The following ATAD3A variants were observed in gnomAD, a reference collection of about 807,000 sequenced individuals.
ATAD3A encodes ATPase family AAA domain-containing protein 3A.
A neutral mutation model predicts 73.8 loss-of-function variants in ATAD3A; 46 were observed. The ratio of observed to expected loss-of-function variants is 0.62; its 90% CI spans 0.49 to 0.80. ATAD3A has a LOEUF of 0.80. Ranked by LOEUF, ATAD3A falls within the 30% of genes least tolerant of loss-of-function variation. The pLI is 0.00. For synonymous variants in ATAD3A, 319 were observed against 350.0 expected, an observed-to-expected ratio of 0.91 and a Z score of 0.99; for missense variants, 705 against 838.0, an observed-to-expected ratio of 0.84 and a Z score of 1.96.
At chr1:1,513,772 C>G (rs1480986262) in intron 1 of ATAD3A, among the ~76,000 whole-genome samples, 2 of 152,130 alleles carry the variant, frequency 1.3e-5, no homozygotes, top group Admixed American at 6.5e-5. Flanking sequence ...TCCCGACGCT[C>G]CTGGCTTCCT....
At chr1:1,531,450 AAAAAAC>A (rs1212663848) in intron 15 of ATAD3A, among the ~76,000 whole-genome samples, 8 of 147,380 alleles carry the variant, frequency 5.4e-5, no homozygotes, top group African/African-American at 1.8e-4. Flanking sequence ...ACTCCATCCC[AAAAAAC>A]GAAAACGAAA....
At chr1:1,515,471 G>A (rs1422463706) in intron 1 of ATAD3A, among the ~76,000 whole-genome samples, 1 of 152,134 alleles carries the variant, frequency 6.6e-6, no homozygotes, top group Non-Finnish European at 1.5e-5. Flanking sequence ...CAGAGAATAC[G>A]TACTTCTGTC....
intron 1 of ATAD3A, among the ~76,000 whole-genome samples, chr1:1,514,910 G>A (rs115156185): frequency 0.024 from 3,579 of 152,246 alleles, 139 homozygotes; most frequent in African/African-American, 0.081. Flanking sequence ...GTTGCCGTCC[G>A]TCGCCCAGGC....
Position 1,525,598 on chromosome 1 carries a change from C to T in ATAD3A, c.1266+307C>T, listed in dbSNP as rs533654306. Among the ~76,000 whole-genome samples the T allele has an allele frequency of 2.6e-4, 40 of 151,992 alleles. 1 individual carries two copies. The highest frequency in any genetic ancestry group is 5.8e-4 in the East Asian group (3 of 5,166). ...CCTGGCTAATTTTTTGTGTTTTTAG[C>T]AGAGACGGGGTTTCACCGTGTTAGC... On this transcript the variant is annotated intron_variant, in intron 12 of 15. Coordinates refer to ENST00000378756, the MANE Select transcript of ATAD3A (RefSeq NM_001170535.3).
Position 1,534,137 on chromosome 1 carries a change from G to T in ATAD3A, c.*65G>T. 1 of 1,607,512 alleles carries T rather than the reference G, an allele frequency of 6.2e-7. No homozygotes were observed. Among genetic ancestry groups the T allele is most frequent in the Non-Finnish European group, 8.5e-7 (1 of 1,176,770 alleles). On this transcript the variant is annotated 3_prime_UTR_variant, in exon 16 of 16. Transcript: ENST00000378756. ...GACCCCTCCCACCCCTGCCTTGCCG[G>T]CCCCTGCACATTTAGGATATGCTCC...
chr1:1,532,948 G>A (rs1006919683), intron 15 of ATAD3A, among the ~76,000 whole-genome samples: 2 of 152,086 alleles, frequency 1.3e-5, no homozygotes, highest in African/African-American at 2.4e-5. Flanking sequence ...CCGGGCCCCC[G>A]ACCCACAGTG....
At chr1:1,515,960 C>G (rs1321288263) in intron 1 of ATAD3A, 52 bp from the exon 2 acceptor site, 5 of 1,606,320 alleles carry the variant, frequency 3.1e-6, no homozygotes, top group Non-Finnish European at 4.3e-6. Context: ...CGTGCCTGCC[C>G]AGCGGCATCC....
intron 12 of ATAD3A, among the ~76,000 whole-genome samples, chr1:1,525,827 G>A (rs190244284): frequency 1.1e-4 from 16 of 151,982 alleles, no homozygotes; most frequent in African/African-American, 3.4e-4. Flanking sequence ...TGCCTCAGCC[G>A]CCTGAGTAGC....
intron 7 of ATAD3A, among the ~76,000 whole-genome samples, chr1:1,521,298 C>CAAAAAAAAAAA (rs1001385922): frequency 3.9e-5 from 1 of 25,350 alleles, no homozygotes; most frequent in Admixed American, 5.1e-4. Context: ...GGCTTCTTCT[C>CAAAAAAAAAAA]AAAAAAAAAA....
chr1:1,516,861 G>A (rs1419186511), intron 2 of ATAD3A, among the ~76,000 whole-genome samples: 3 of 152,016 alleles, frequency 2.0e-5, no homozygotes, highest in East Asian at 1.9e-4. Context: ...ACAAGAGCCC[G>A]CCACCACATC....
Position 1,517,706 on chromosome 1 carries a change from TCTC to T in ATAD3A, c.385-8_385-6del. Reference sequence around the variant, plus strand: ...CTGAGATGTGTCTTTGCCGCCCTCTTCTCCCCCAGAGGGCCCAGTATCAAGACA... The same window carrying T: ...CTGAGATGTGTCTTTGCCGCCCTCTTCCCCAGAGGGCCCAGTATCAAGACA... On this transcript the variant is annotated splice_polypyrimidine_tract_variant and splice_region_variant and intron_variant, in intron 3 of 15. Transcript: ENST00000378756. 1 of 1,380,740 alleles carries T rather than the reference TCTC, an allele frequency of 7.2e-7. No homozygotes were observed. Among genetic ancestry groups the T allele is most frequent in the African/African-American group, 1.4e-5 (1 of 69,564 alleles). 85.5% of individuals were successfully genotyped at this position (1,380,740 alleles called of 1,614,324 possible). A position where few individuals can be genotyped will look rare whatever the true frequency, so the allele number is the denominator to read the frequency against.
At chr1:1,521,605 C>T (rs1641602936) in intron 7 of ATAD3A, among the ~76,000 whole-genome samples, 2 of 152,222 alleles carry the variant, frequency 1.3e-5, no homozygotes, top group East Asian at 1.9e-4. Flanking sequence ...GTGGCCTGGT[C>T]AGTGTGACGG....
At chr1:1,530,746 A>G (rs1338261444) in intron 15 of ATAD3A, among the ~76,000 whole-genome samples, 3 of 100,888 alleles carry the variant, frequency 3.0e-5, no homozygotes, top group South Asian at 3.8e-4. Context: ...GGAGAATGGC[A>G]TGAACCCGGG....
chr1:1,515,362 C>A (rs907358848), intron 1 of ATAD3A, among the ~76,000 whole-genome samples: 3 of 152,188 alleles, frequency 2.0e-5, no homozygotes, highest in African/African-American at 7.2e-5. Flanking sequence ...CAGTAGTGAG[C>A]CACCGCGCCC....
chr1:1,533,866 G>A (rs1186268846), intron 15 of ATAD3A, 60 bp from the exon 16 acceptor site: 7 of 1,580,622 alleles, frequency 4.4e-6, no homozygotes, highest in East Asian at 2.3e-5. Flanking sequence ...GGGCCCTGGC[G>A]TGCATTTGGG....
rs950696930 is a variant in ATAD3A at position 1,523,649 on chromosome 1, G to A, written c.963+82G>A. 20 of 1,603,306 alleles carry A rather than the reference G, an allele frequency of 1.2e-5. No homozygotes were observed. Among genetic ancestry groups the A allele is most frequent in the African/African-American group, 2.7e-5 (2 of 74,566 alleles). ...CGGGCTGTGGCCCTTGCTGGCGCTC[G>A]TGGTGGCACCCAGGAGCTTTTGGGT... On this transcript the variant is annotated intron_variant, in intron 9 of 15. Transcript: ENST00000378756. The surrounding 1 kb of genome is among the most constrained non-coding windows in gnomAD (Gnocchi z 5.1).
intron 15 of ATAD3A, among the ~76,000 whole-genome samples, chr1:1,532,291 T>C (rs930753669): frequency 7.9e-5 from 12 of 151,042 alleles, no homozygotes; most frequent in South Asian, 2.1e-4. Flanking sequence ...ATGAGGGTAA[T>C]GCTGGCCTCT....
chr1:1,513,951 C>T (rs1375922788), intron 1 of ATAD3A, among the ~76,000 whole-genome samples: 1 of 152,074 alleles, frequency 6.6e-6, no homozygotes, highest in Non-Finnish European at 1.5e-5. Flanking sequence ...ACCCCTCCTC[C>T]GGCCTGTCCT....
chr1:1,522,191 C>A (rs1014139082), intron 7 of ATAD3A, among the ~76,000 whole-genome samples: 5 of 152,094 alleles, frequency 3.3e-5, no homozygotes, highest in African/African-American at 1.2e-4. Context: ...AGGCATGTGC[C>A]ACCATGGCCA....
Sources: gnomAD v4.1 joint callset for allele counts (sites outside exome capture counted in the v4.1 genomes callset) on GRCh38, gnomAD v4.1.1 for gene constraint, Gnocchi (gnomAD v3.1) non-coding constraint, MANE v1.5 for transcripts, NCBI Gene and HGNC (gene_info 2026-07-23, HGNC 2026-07-21) for gene names.